Variants in PDCD2L observed in about 807,000 individuals in gnomAD.
PDCD2L encodes the protein uS5 assembly chaperone PDCD2L.
In PDCD2L, 44 loss-of-function variants were observed where a neutral mutation model predicts 40.4. That is an observed-to-expected ratio of 1.09 (90% CI 0.86 to 1.40). The LOEUF is 1.40. Ranked by LOEUF, PDCD2L falls within the 40% of genes most tolerant of loss-of-function variation. PDCD2L has a pLI of 0.00. For synonymous variants in PDCD2L, 194 were observed against 174.6 expected (o/e 1.11, Z -0.88); for missense variants, 470 against 453.7 (o/e 1.04, Z -0.33).
In PDCD2L at chr19:34,421,543, C is replaced by CTT. The variant is rs2075151157; in HGVS notation, c.826_827dup (p.Leu276PhefsTer2). On this transcript the variant is annotated frameshift_variant, in exon 6 of 7. Transcript: ENST00000246535. LOFTEE classifies it high-confidence loss of function. ...GGTATTCCTGGAGTGGAGAGCCACTCTTTTTGACCTGCCCTACATCAGAAG... is the reference window on the plus strand; with the variant it reads ...GGTATTCCTGGAGTGGAGAGCCACTCTTTTTTTGACCTGCCCTACATCAGAAG... The CTT allele has an allele frequency of 6.2e-7, 1 of 1,614,078 alleles. No homozygotes were observed. The highest frequency in any genetic ancestry group is 8.5e-7 in the Non-Finnish European group (1 of 1,180,016).
intron 4 of PDCD2L, among the ~76,000 whole-genome samples, chr19:34,413,327 AT>A (rs34915589): frequency 0.13 from 12,720 of 98,674 alleles, 523 homozygotes; most frequent in African/African-American, 0.28. Context: ...GGCGTGATTG[AT>A]TTTTTTTTTT....
chr19:34,412,900 A>T (rs1436784033), intron 4 of PDCD2L, among the ~76,000 whole-genome samples: 1 of 151,480 alleles, frequency 6.6e-6, no homozygotes, highest in African/African-American at 2.4e-5. Flanking sequence ...CACCATGCCC[A>T]GCTAATTTTT....
chr19:34,423,335 A>T (rs1186605896), intron 6 of PDCD2L, among the ~76,000 whole-genome samples: 1 of 151,024 alleles, frequency 6.6e-6, no homozygotes, highest in South Asian at 2.1e-4. Context: ...GGTGCCCACC[A>T]CCACACCCAG....
rs764318345 is a variant in PDCD2L at position 34,415,254 on chromosome 19, G to A, written c.797+1407G>A. Among the ~76,000 whole-genome samples, 101 of 152,130 alleles carry A rather than the reference G, an allele frequency of 6.6e-4. 1 individual carries two copies. The highest frequency in any genetic ancestry group is 3.4e-3 in the Middle Eastern group (1 of 294). On this transcript the variant is annotated intron_variant, in intron 5 of 6. Coordinates refer to ENST00000246535, the MANE Select transcript of PDCD2L (RefSeq NM_032346.2). Reference sequence around the variant, plus strand: ...CTGCCTCAGCCTCCCGAGTATCTAGGATTACAGCGCCACCACGCCTGACTA... The same window carrying A: ...CTGCCTCAGCCTCCCGAGTATCTAGAATTACAGCGCCACCACGCCTGACTA...
intron 4 of PDCD2L, among the ~76,000 whole-genome samples, chr19:34,411,959 A>ACTACATAT (rs2145462322): frequency 2.0e-5 from 1 of 51,024 alleles, no homozygotes; most frequent in Non-Finnish European, 6.7e-5. Flanking sequence ...CCAGATGAAA[A>ACTACATAT]ATACATATAT....
rs2075067172 is a variant in PDCD2L, at chr19:34,404,985, G to A, written c.331G>A (p.Ala111Thr). ...GGTGCCAGAGAGAGAGGCGCAGGAC[G>A]CTCAGGTAAAGGTTGTGATTGGCAT... ...LQVPEREAQD[A>T]QKQGNSLAAE... Residue 111 changes from alanine (A) to threonine (T), a missense_variant, in exon 3 of 7, where the codon GCT becomes ACT. Ala to Thr is a moderately conservative substitution (Grantham distance 58). Transcript: ENST00000246535. 6.2e-7 allele frequency: 1 copy of A among 1,614,114 alleles called. No homozygotes were observed.
Position 34,404,818 on chromosome 19 carries a change from A to G in PDCD2L, c.275+3A>G. ...TGTAGCACCGGCGGTGCGCGCAGGT[A>G]GGCGGGGAAGTCCCAGAGCTGCTCC... is the stretch of plus-strand genomic sequence containing the variant. On this transcript the variant is annotated splice_donor_region_variant and intron_variant, in intron 2 of 6. Transcript: ENST00000246535. The G allele has an allele frequency of 1.2e-6, 2 of 1,602,876 alleles. No individual in the cohort carries two copies. Among genetic ancestry groups the G allele is most frequent in the East Asian group, 2.3e-5 (1 of 44,426 alleles).
At chr19:34,425,509 CTATATGAG>C (rs1220987163) in intron 6 of PDCD2L, among the ~76,000 whole-genome samples, 2 of 151,492 alleles carry the variant, frequency 1.3e-5, no homozygotes, top group African/African-American at 4.8e-5. Flanking sequence ...GTTGCCCAGG[CTATATGAG>C]ATATATATAT....
At chr19:34,425,922 C>T in intron 6 of PDCD2L, 68 bp from the exon 7 acceptor site, 1 of 1,500,952 alleles carries the variant, frequency 6.7e-7, no homozygotes, top group South Asian at 1.3e-5. Flanking sequence ...AAGGTAAAAT[C>T]ATTCCTTTTA....
At chr19:34,405,142 AGT>A in intron 3 of PDCD2L, 152 bp downstream of exon 3, 5 of 364,640 alleles carry the variant, frequency 1.4e-5, no homozygotes, top group East Asian at 7.2e-5. Context: ...ATTTTCGTAA[AGT>A]TTTTTTTTTT....
At position 34,409,158 on chromosome 19, in the gene PDCD2L, C is replaced by G. The variant is rs1381848325; in HGVS notation, c.337-3C>G. 1.2e-6 allele frequency: 2 copies of G among 1,605,750 alleles called. No individual in the cohort carries two copies. The highest frequency in any genetic ancestry group is 3.4e-5 in the Admixed American group (2 of 59,624). ...GGACCTCATTCACTGAGTATTTTTCCAGAAACAGGGAAACAGCCTTGCAGC... is the reference window on the plus strand; with the variant it reads ...GGACCTCATTCACTGAGTATTTTTCGAGAAACAGGGAAACAGCCTTGCAGC... On this transcript the variant is annotated splice_polypyrimidine_tract_variant and splice_region_variant and intron_variant, in intron 3 of 6. Coordinates refer to ENST00000246535, the MANE Select transcript of PDCD2L (RefSeq NM_032346.2).
intron 4 of PDCD2L, among the ~76,000 whole-genome samples, chr19:34,412,311 C>T (rs2075107634): frequency 6.6e-6 from 1 of 152,014 alleles, no homozygotes. Context: ...AGCCACTGTG[C>T]CCTGCGACTT....
chr19:34,418,317 A>G (rs2075134810), intron 5 of PDCD2L, among the ~76,000 whole-genome samples: 1 of 152,086 alleles, frequency 6.6e-6, no homozygotes, highest in Non-Finnish European at 1.5e-5. Context: ...CCTAGTCCCC[A>G]GGCAACCGCC....
chr19:34,405,145 T>G (rs1448980324), intron 3 of PDCD2L, among the ~76,000 whole-genome samples, 155 bp downstream of exon 3: 5 of 144,326 alleles, frequency 3.5e-5, no homozygotes, highest in Non-Finnish European at 7.6e-5. Context: ...TTCGTAAAGT[T>G]TTTTTTTTTT....
Position 34,426,099 on chromosome 19 carries a change from A to T in PDCD2L, c.1056A>T (p.Pro352=), listed in dbSNP as rs1362848862. The change falls in exon 7 of 7, where the codon CCA becomes CCT. Residue 352 remains proline, a synonymous_variant. Coordinates refer to ENST00000246535, the MANE Select transcript of PDCD2L (RefSeq NM_032346.2). ...MEEFCIIQED[P]DELLFK ...AATTTTGTATTATACAAGAAGACCC[A>T]GATGAATTATTGTTTAAGTAGAGCA... 6.3e-7 allele frequency: 1 copy of T among 1,582,270 alleles called. No homozygotes were observed. Among genetic ancestry groups the T allele is most frequent in the African/African-American group, 1.3e-5 (1 of 74,204 alleles).
Position 34,421,520 on chromosome 19 carries a change from TATTCCTGGAGTGGAGAGCCAC to T in PDCD2L, c.800_820del (p.Tyr267_Leu274delinsPhe), listed in dbSNP as rs2075150908. 6.2e-7 allele frequency: 1 copy of T among 1,613,824 alleles called. No individual in the cohort carries two copies. Among genetic ancestry groups the T allele is most frequent in the African/African-American group, 1.3e-5 (1 of 74,870 alleles). On this transcript the variant is annotated inframe_deletion and splice_region_variant, in exon 6 of 7. Transcript: ENST00000246535. ...GGGTTCTTTGTTTCCTTGTCCTAGG[TATTCCTGGAGTGGAGAGCCAC>T]TCTTTTTGACCTGCCCTACATCAGA...
In PDCD2L at chr19:34,413,770, G is replaced by C; in HGVS notation, c.720G>C (p.Lys240Asn). Reference sequence around the variant, plus strand: ...ATGATGGTGATGAAAAATATGAGAAGACCATAATTAAAAGTGGAGATCAGA... The same window carrying C: ...ATGATGGTGATGAAAAATATGAGAACACCATAATTAAAAGTGGAGATCAGA... ...LPNDGDEKYE[K>N]TIIKSGDQTF... is the part of the protein sequence containing the mutation. Residue 240 changes from lysine to asparagine, a missense_variant, in exon 5 of 7, where the codon AAG becomes AAC. By Grantham distance (94) the Lys-to-Asn change is moderately conservative (BLOSUM62 0). Transcript: ENST00000246535. The C allele has an allele frequency of 6.2e-7, 1 of 1,603,046 alleles. No homozygotes were observed. The highest frequency in any genetic ancestry group is 8.5e-7 in the Non-Finnish European group (1 of 1,172,204).
In PDCD2L at chr19:34,426,077, TTTG is replaced by T. The variant is rs2075175577; in HGVS notation, c.1036_1038del (p.Cys346del). 6.2e-7 allele frequency: 1 copy of T among 1,600,588 alleles called. No homozygotes were observed. The highest frequency in any genetic ancestry group is 8.6e-7 in the Non-Finnish European group (1 of 1,167,706). ...AATCATCAGACTCCCATGGAAGAAT[TTTG>T]TATTATACAAGAAGACCCAGATGAA... On this transcript the variant is annotated inframe_deletion, in exon 7 of 7. Transcript: ENST00000246535.
chr19:34,414,585 C>T (rs2075119112), intron 5 of PDCD2L, among the ~76,000 whole-genome samples: 1 of 135,220 alleles, frequency 7.4e-6, no homozygotes, highest in Non-Finnish European at 1.6e-5. Flanking sequence ...ACCTCCTGGG[C>T]TCAAGTGATC....
Sources: allele counts gnomAD v4.1 joint callset (sites outside exome capture counted in the v4.1 genomes callset), GRCh38; gene constraint gnomAD v4.1.1; transcripts MANE v1.5; gene names NCBI Gene and HGNC (gene_info 2026-07-23, HGNC 2026-07-21).